ZFHX3: variants seen among roughly 807,000 people sequenced by gnomAD.
ZFHX3 encodes zinc finger homeobox 3.
ZFHX3 carries 42 observed loss-of-function variants against 279.1 expected under a neutral mutation model. The observed-to-expected ratio is 0.15, with a 90% CI of 0.12 to 0.19. ZFHX3 has a LOEUF of 0.19. Ranked by LOEUF, ZFHX3 falls within the 10% of genes least tolerant of loss-of-function variation. The probability of loss-of-function intolerance (pLI) is 1.00; values close to 1 mark genes in which losing one functional copy is unlikely to be tolerated. For synonymous variants in ZFHX3, 2,293 were observed against 1,957.8 expected, an observed-to-expected ratio of 1.17 and a Z score of -4.52; for missense variants, 4,981 against 4,754.0, an observed-to-expected ratio of 1.05 and a Z score of -1.40.
intron 1 of ZFHX3, among the ~76,000 whole-genome samples, chr16:73,789,209 C>G (rs1161617255): frequency 1.3e-5 from 2 of 151,520 alleles, no homozygotes; most frequent in African/African-American, 2.4e-5. Flanking sequence ...GAGATGGAGT[C>G]TCACTCTGTC....
In ZFHX3 at chr16:72,889,641, C is replaced by T. The variant is rs946473056; in HGVS notation, c.3448+90G>A. ...ACATGAGGACCAGCTGGATCAGTAACGTCTCCCTCAAACAGAAGTCCTCTG... is the reference window on the plus strand; with the variant it reads ...ACATGAGGACCAGCTGGATCAGTAATGTCTCCCTCAAACAGAAGTCCTCTG... On this transcript the variant is annotated intron_variant, in intron 4 of 9. Transcript: ENST00000268489. 56 of 1,243,238 alleles carry T rather than the reference C, an allele frequency of 4.5e-5. No individual in the cohort carries two copies. The South Asian group carries it at 5.9e-4, about 13-fold the overall frequency. The allele number at this position is 1,243,238 out of a possible 1,614,324, so 77.0% of individuals were successfully genotyped here. A position where few individuals can be genotyped will look rare whatever the true frequency, so the allele number is the denominator to read the frequency against.
At chr16:73,885,459 G>A (rs2030315076) in intron 1 of ZFHX3, among the ~76,000 whole-genome samples, 1 of 152,132 alleles carries the variant, frequency 6.6e-6, no homozygotes, top group South Asian at 2.1e-4. Flanking sequence ...TCTATTAGAA[G>A]TATCAAAATG....
At chr16:73,169,201 C>T (rs1403544881) in intron 5 of ZFHX3, among the ~76,000 whole-genome samples, 3 of 152,130 alleles carry the variant, frequency 2.0e-5, no homozygotes, top group South Asian at 2.1e-4. Flanking sequence ...ATACATAAAA[C>T]GATTACATGG....
intron 5 of ZFHX3, among the ~76,000 whole-genome samples, chr16:73,238,133 C>G (rs921077287): frequency 6.6e-6 from 1 of 152,194 alleles, no homozygotes; most frequent in Non-Finnish European, 1.5e-5. Context: ...TGGTTACCTC[C>G]TCTCTAGCTT....
intron 1 of ZFHX3, among the ~76,000 whole-genome samples, chr16:73,700,541 A>G (rs2053237190): frequency 6.6e-6 from 1 of 152,246 alleles, no homozygotes; most frequent in South Asian, 2.1e-4. Context: ...AAAGTCTATT[A>G]TGTAAATTCA....
intron 2 of ZFHX3, among the ~76,000 whole-genome samples, chr16:73,621,112 G>T (rs2052356779): frequency 6.6e-6 from 1 of 152,198 alleles, no homozygotes; most frequent in Non-Finnish European, 1.5e-5. Flanking sequence ...AGGTCTTGGG[G>T]AGGAAGTTAG....
In ZFHX3 at chr16:73,780,111, A is replaced by ATTTTTTTTTTTTTTTT. The variant is rs762134796; in HGVS notation, c.-1607-99887_-1607-99872dup. On this transcript the variant is annotated intron_variant, in intron 1 of 17. Transcript: ENST00000641206. Reference sequence around the variant, plus strand: ...AACCAGCAAAACTCACTGCATTTGAATTTTTTTTTTTTTTTTTTTTTTTTT... The same window carrying ATTTTTTTTTTTTTTTT: ...AACCAGCAAAACTCACTGCATTTGAATTTTTTTTTTTTTTTTTTTTTTTTTTTTTTTTTTTTTTTTT... Among the ~76,000 whole-genome samples, 2 of 33,214 alleles carry ATTTTTTTTTTTTTTTT rather than the reference A, an allele frequency of 6.0e-5. 1 individual carries two copies. Among genetic ancestry groups the ATTTTTTTTTTTTTTTT allele is most frequent in the Non-Finnish European group, 1.5e-4 (2 of 13,572 alleles). The allele number at this position is 33,214 out of a possible 152,430, so 21.8% of individuals were successfully genotyped here. A position where few individuals can be genotyped will look rare whatever the true frequency, so the allele number is the denominator to read the frequency against.
At chr16:73,052,338 ATT>A (rs10713711), upstream of ZFHX3, among the ~76,000 whole-genome samples, 2 of 147,080 alleles carry the variant, frequency 1.4e-5, no homozygotes, top group Non-Finnish European at 3.0e-5. Flanking sequence ...GTTGGAGTTT[ATT>A]TTTTTTTTTT....
At position 72,950,646 on chromosome 16, in the gene ZFHX3, C is replaced by G; in HGVS notation, c.3039G>C (p.Gln1013His). ...CKTDKHVQKYQLVAHIKEGGK... is the reference protein window; with the variant it reads ...CKTDKHVQKYHLVAHIKEGGK... ...CGCCCTCCTTGATGTGGGCCACCAG[C>G]TGGTACTTCTGCACGTGCTTGTCTG... The change falls in exon 3 of 10, where the codon CAG (glutamine) becomes CAC (histidine). Residue 1013 changes from glutamine to histidine, a missense_variant. Physicochemically the swap from Gln to His is conservative, Grantham distance 24. Transcript: ENST00000268489. The G allele has an allele frequency of 6.2e-7, 1 of 1,614,226 alleles. No homozygotes were observed. Among genetic ancestry groups the G allele is most frequent in the South Asian group, 1.1e-5 (1 of 91,088 alleles).
chr16:73,800,067 A>G (rs1342003004), intron 1 of ZFHX3, among the ~76,000 whole-genome samples: 1 of 152,178 alleles, frequency 6.6e-6, no homozygotes, highest in Non-Finnish European at 1.5e-5. Context: ...AATGTTTAAT[A>G]ATTATTTAAT....
intron 3 of ZFHX3, among the ~76,000 whole-genome samples, chr16:72,925,297 G>A (rs986921238): frequency 1.3e-5 from 2 of 152,184 alleles, no homozygotes; most frequent in African/African-American, 4.8e-5. Context: ...CAGCTGTAGA[G>A]TGAGTCAACT....
At chr16:73,176,419 C>G (rs1467093910) in intron 5 of ZFHX3, among the ~76,000 whole-genome samples, 1 of 152,068 alleles carries the variant, frequency 6.6e-6, no homozygotes, top group African/African-American at 2.4e-5. Context: ...CATTTTTGTT[C>G]CTTATCACCT....
At chr16:73,459,060 A>T (rs2018426206) in intron 2 of ZFHX3, among the ~76,000 whole-genome samples, 2 of 152,216 alleles carry the variant, frequency 1.3e-5, no homozygotes, top group Admixed American at 1.3e-4. Flanking sequence ...GGGCAATAGC[A>T]AAGAGTAGAC....
At chr16:73,398,334 TAGC>T (rs1031069401) in intron 3 of ZFHX3, among the ~76,000 whole-genome samples, 1 of 152,140 alleles carries the variant, frequency 6.6e-6, no homozygotes, top group Non-Finnish European at 1.5e-5. Context: ...AAAAAGTGTC[TAGC>T]AGACATTTAG....
chr16:73,103,166 C>T lies in ZFHX3; in HGVS notation c.-896-9568G>A, dbSNP rs372007636. ...TCTCGAACTCCTGACCGCAAGTGAT[C>T]CACCCGCTTCCGCCTCCCAAATCGC... On this transcript the variant is annotated intron_variant, in intron 7 of 17. Coordinates refer to the ZFHX3 transcript ENST00000641206. Among the ~76,000 whole-genome samples, 41 of 152,288 alleles carry T rather than the reference C, an allele frequency of 2.7e-4. 2 individuals are homozygous for T. The highest frequency in any genetic ancestry group is 1.2e-3 in the Admixed American group (19 of 15,298).
intron 3 of ZFHX3, chr16:73,389,144 T>C (rs980853940): frequency 1.3e-5 from 2 of 152,226 alleles, no homozygotes; most frequent in African/African-American, 4.8e-5. Context: ...CTCGAGTCCC[T>C]GTTGTGCTTC....
intron 5 of ZFHX3, among the ~76,000 whole-genome samples, chr16:73,155,866 A>G (rs1597189179): frequency 1.3e-5 from 2 of 152,106 alleles, no homozygotes; most frequent in East Asian, 3.9e-4. Context: ...ATGTATATAT[A>G]TATGACACAT....
chr16:72,859,951 A>G (rs1394730640), intron 4 of ZFHX3, among the ~76,000 whole-genome samples: 1 of 152,176 alleles, frequency 6.6e-6, no homozygotes, highest in African/African-American at 2.4e-5. Flanking sequence ...ATAAATAACA[A>G]TGAAAACAAG....
chr16:73,565,636 C>T (rs1215711362), intron 2 of ZFHX3, among the ~76,000 whole-genome samples: 5 of 152,198 alleles, frequency 3.3e-5, no homozygotes, highest in African/African-American at 1.2e-4. Flanking sequence ...AAAATAAGGT[C>T]CCCTTAGGTT....
Sources: gnomAD v4.1 joint callset for allele counts (sites outside exome capture counted in the v4.1 genomes callset) on GRCh38, gnomAD v4.1.1 for gene constraint, MANE v1.5 for transcripts, NCBI Gene and HGNC (gene_info 2026-07-23, HGNC 2026-07-21) for gene names.